The following C3orf22 variants were observed in gnomAD, a reference collection of about 807,000 sequenced individuals.
C3orf22 encodes the protein chromosome 3 open reading frame 22.
Under a neutral mutation model 10.8 loss-of-function variants are expected in C3orf22, and 7 were observed. That is an observed-to-expected ratio of 0.65 (90% CI 0.37 to 1.22). The LOEUF (loss-of-function observed/expected upper bound fraction) is 1.22. C3orf22 is among the 50% of genes most tolerant of loss of function. The probability of loss-of-function intolerance (pLI) is 0.02; values close to 1 mark genes in which losing one functional copy is unlikely to be tolerated. For synonymous variants in C3orf22, 79 were observed against 78.9 expected (o/e 1.00, Z 0.00); for missense variants, 173 against 177.0 (o/e 0.98, Z 0.13).
At chr3:126,542,487 GC>G in intron 4 of C3orf22, 1 of 1,582,576 alleles carries the variant, frequency 6.3e-7, no homozygotes, top group Non-Finnish European at 8.6e-7. Context: ...CGGGACATCA[GC>G]CCCTTCTACC....
intron 4 of C3orf22, chr3:126,541,614 G>C: frequency 3.2e-6 from 3 of 942,410 alleles, no homozygotes; most frequent in Middle Eastern, 6.8e-4. Context: ...GTTCGAATTT[G>C]GGTGCCCGGC....
chr3:126,539,129 A>G (rs1340502026), intron 4 of C3orf22, among the ~76,000 whole-genome samples: 1 of 152,112 alleles, frequency 6.6e-6, no homozygotes, highest in Non-Finnish European at 1.5e-5. Flanking sequence ...AAATTCAAGC[A>G]TATGCAAGAA....
At chr3:126,546,499 G>A (rs578076636), downstream of C3orf22, among the ~76,000 whole-genome samples, 20 of 152,196 alleles carry the variant, frequency 1.3e-4, no homozygotes, top group Admixed American at 2.6e-4. Flanking sequence ...ATGAGGATGC[G>A]GTCTCCATGG....
At chr3:126,535,969 C>T (rs1347684030) in intron 4 of C3orf22, among the ~76,000 whole-genome samples, 1 of 152,206 alleles carries the variant, frequency 6.6e-6, no homozygotes, top group African/African-American at 2.4e-5. Context: ...TCTGGCCTTT[C>T]CTAGAGGGTT....
chr3:126,530,200 T>C (rs1576747343), intron 4 of C3orf22, among the ~76,000 whole-genome samples: 1 of 152,138 alleles, frequency 6.6e-6, no homozygotes, highest in South Asian at 2.1e-4. Flanking sequence ...GCAGGCAGGG[T>C]GGGGCTGGAT....
chr3:126,552,377 A>G lies in C3orf22; in HGVS notation c.90-255T>C, dbSNP rs184695668. ...CCTGCTCCAGAGCCTTGTCATGGCC[A>G]CAGCAGCCAAACGGTGCAGAGCACT... On this transcript the variant is annotated intron_variant, in intron 2 of 3. Transcript: ENST00000318225. Among the ~76,000 whole-genome samples, 36 of 152,320 alleles carry G rather than the reference A, an allele frequency of 2.4e-4. 1 individual carries two copies. The highest frequency in any genetic ancestry group is 2.4e-3 in the Admixed American group (36 of 15,306).
At chr3:126,552,706 C>G (rs1452586204) in intron 2 of C3orf22, among the ~76,000 whole-genome samples, 1 of 152,190 alleles carries the variant, frequency 6.6e-6, no homozygotes, top group Non-Finnish European at 1.5e-5. Context: ...ACACTTGCTT[C>G]TGGGGTGGGG....
chr3:126,541,796 A>G (rs774580925), intron 4 of C3orf22: 10 of 1,545,400 alleles, frequency 6.5e-6, no homozygotes, highest in African/African-American at 5.6e-5. Context: ...CAGCGCCTGT[A>G]GCCGCCACTC....
intron 1 of C3orf22, among the ~76,000 whole-genome samples, chr3:126,555,963 A>C (rs1937319229): frequency 6.6e-6 from 1 of 152,154 alleles, no homozygotes; most frequent in Admixed American, 6.5e-5. Flanking sequence ...TCTGGTGGGC[A>C]ACATCGGGAC....
downstream of C3orf22, among the ~76,000 whole-genome samples, chr3:126,546,901 G>C (rs887297913): frequency 1.3e-5 from 2 of 152,162 alleles, no homozygotes; most frequent in South Asian, 2.1e-4. Context: ...CTGGTTCTGC[G>C]GGACTGAGGC....
At chr3:126,541,340 T>C (rs146672837) in intron 4 of C3orf22, among the ~76,000 whole-genome samples, 2,240 of 152,286 alleles carry the variant, frequency 0.015, 45 homozygotes, top group African/African-American at 0.049. Flanking sequence ...CAGTTTTCAA[T>C]TGGGTGTGGA....
At chr3:126,529,417 C>G in intron 4 of C3orf22, 2 of 1,287,444 alleles carry the variant, frequency 1.6e-6, no homozygotes, top group Non-Finnish European at 2.0e-6. Context: ...CAAGGGGGCA[C>G]CCAGAGGCAG....
chr3:126,551,929 T>C (rs1457747999), intron 3 of C3orf22, 68 bp downstream of exon 3: 3 of 1,518,968 alleles, frequency 2.0e-6, no homozygotes, highest in Non-Finnish European at 2.7e-6. Flanking sequence ...CATGCAAAAC[T>C]GGGGGACAGA....
At chr3:126,539,558 T>C (rs1170600652) in intron 4 of C3orf22, among the ~76,000 whole-genome samples, 1 of 60,696 alleles carries the variant, frequency 1.6e-5, no homozygotes, top group African/African-American at 6.9e-5. Context: ...GCACACACAC[T>C]GCACACACAC....
chr3:126,547,878 A>C (rs1023505949), downstream of C3orf22, among the ~76,000 whole-genome samples: 1 of 152,210 alleles, frequency 6.6e-6, no homozygotes, highest in Non-Finnish European at 1.5e-5. Flanking sequence ...ATCTACCCAA[A>C]AGAGAATGGA....
chr3:126,547,775 T>C (rs1238784298), downstream of C3orf22, among the ~76,000 whole-genome samples: 1 of 151,338 alleles, frequency 6.6e-6, no homozygotes, highest in Non-Finnish European at 1.5e-5. Flanking sequence ...CTATCATGGG[T>C]TGGGGAGGGG....
At chr3:126,537,868 G>T (rs1382496179) in intron 4 of C3orf22, among the ~76,000 whole-genome samples, 2 of 152,218 alleles carry the variant, frequency 1.3e-5, no homozygotes, top group African/African-American at 4.8e-5. Flanking sequence ...TACAGACAAG[G>T]ACACAGGCAT....
intron 4 of C3orf22, among the ~76,000 whole-genome samples, chr3:126,540,937 T>C (rs905558164): frequency 4.6e-5 from 7 of 152,248 alleles, no homozygotes; most frequent in South Asian, 2.1e-4. Context: ...CACTTTCTTT[T>C]ATGAACTCTT....
At chr3:126,529,240 G>T in exon 5 of C3orf22, 2 of 1,078,792 alleles carry the variant, frequency 1.9e-6, no homozygotes, top group Non-Finnish European at 2.5e-6. Context: ...ATCTTGATTG[G>T]CAGAGGAGGC....
Sources: gnomAD v4.1 joint callset for allele counts (sites outside exome capture counted in the v4.1 genomes callset) on GRCh38, gnomAD v4.1.1 for gene constraint, MANE v1.5 for transcripts, NCBI Gene and HGNC (gene_info 2026-07-23, HGNC 2026-07-21) for gene names.